The following MED13 variants were observed in gnomAD, a reference collection of about 807,000 sequenced individuals.
MED13 encodes the protein mediator complex subunit 13, also known as mediator of RNA polymerase II transcription subunit 13.
MED13 carries 23 observed loss-of-function variants against 225.2 expected under a neutral mutation model. That is an observed-to-expected ratio of 0.10 (90% CI 0.07 to 0.14). The LOEUF is 0.14. Among genes scored for constraint, MED13 ranks in the 10% least tolerant of loss-of-function variants. MED13 has a pLI of 1.00. For missense variants in MED13, 2,197 were observed against 2,594.5 expected, an observed-to-expected ratio of 0.85 and a Z score of 3.33; for synonymous variants, 942 against 889.2, an observed-to-expected ratio of 1.06 and a Z score of -1.06.
chr17:61,986,264 T>C (rs2080246886), intron 12 of MED13, among the ~76,000 whole-genome samples: 1 of 152,026 alleles, frequency 6.6e-6, no homozygotes, highest in African/African-American at 2.4e-5. Flanking sequence ...CACACACACA[T>C]ATACACACAT....
chr17:61,963,227 A>G (rs868111806), intron 20 of MED13, among the ~76,000 whole-genome samples: 24 of 141,138 alleles, frequency 1.7e-4, no homozygotes, highest in South Asian at 9.1e-4. Context: ...AAAAAAAAAA[A>G]AAAGAAAGAA....
chr17:61,961,530 A>G, intron 22 of MED13, 58 bp downstream of exon 22: 1 of 1,299,372 alleles, frequency 7.7e-7, no homozygotes, highest in East Asian at 2.5e-5. Context: ...AAAAAAAAAA[A>G]AAAAAAAAAA....
chr17:62,040,581 C>T (rs2080844623), intron 3 of MED13, among the ~76,000 whole-genome samples: 1 of 152,122 alleles, frequency 6.6e-6, no homozygotes, highest in Non-Finnish European at 1.5e-5. Flanking sequence ...TAAGCAGCTA[C>T]AGAAAAATGA....
In MED13 at chr17:62,010,593, G is replaced by A; in HGVS notation, c.1924C>T (p.Pro642Ser). The change falls in exon 9 of 30, where the codon CCA becomes TCA. Residue 642 changes from proline (P) to serine (S), a missense_variant. This residue lies in a region of MED13 where 884 missense variants were observed against 918.5 expected (regional missense o/e 0.96). Transcript: ENST00000397786. ...CTTTCCTGTCCAAAAGGTCCAACTG[G>A]ATCATCCTTGAATTTATCACTTGGA... is the stretch of plus-strand genomic sequence containing the variant. ...QLPSDKFKDD[P>S]VGPFGQESVT... 1 of 1,479,484 alleles carries A rather than the reference G, an allele frequency of 6.8e-7. No individual in the cohort carries two copies. Among genetic ancestry groups the A allele is most frequent in the Non-Finnish European group, 9.0e-7 (1 of 1,113,292 alleles). The allele number at this position is 1,479,484 out of a possible 1,614,324, so 91.6% of individuals were successfully genotyped here.
intron 28 of MED13, among the ~76,000 whole-genome samples, chr17:61,948,106 A>G (rs1428198796): frequency 6.6e-6 from 1 of 152,192 alleles, no homozygotes; most frequent in Admixed American, 6.5e-5. Flanking sequence ...CCAGTACTCT[A>G]TTCCTATGAT....
intron 7 of MED13, 68 bp downstream of exon 7, chr17:62,029,783 T>C (rs2080737290): frequency 2.6e-6 from 4 of 1,526,118 alleles, no homozygotes. Flanking sequence ...TGTTTATACT[T>C]TAGATATCTT....
intron 2 of MED13, among the ~76,000 whole-genome samples, chr17:62,058,114 G>C (rs1300441344): frequency 6.6e-6 from 1 of 152,106 alleles, no homozygotes; most frequent in African/African-American, 2.4e-5. Flanking sequence ...ACCCACCACA[G>C]AGATTCTTGA....
chr17:61,966,323 T>C (rs920462686), intron 19 of MED13, 139 bp downstream of exon 19: 36 of 691,270 alleles, frequency 5.2e-5, no homozygotes, highest in Non-Finnish European at 7.6e-5. Flanking sequence ...AGCTCCAATG[T>C]TGTAGCACAA....
chr17:62,035,617 G>A lies in MED13; in HGVS notation c.471-9C>T. The stretch of plus-strand genomic sequence containing the variant: ...AGCAGGACAAGTGTTCACTAAAAAA[G>A]AAGAAAAAGTTTTATCTTAGTGATG... On this transcript the variant is annotated splice_polypyrimidine_tract_variant and intron_variant, in intron 3 of 29. Transcript: ENST00000397786. The A allele has an allele frequency of 2.5e-6, 4 of 1,597,498 alleles. No individual in the cohort carries two copies. The South Asian group carries it at 3.4e-5, about 14-fold the overall frequency.
Position 61,982,720 on chromosome 17 carries a change from T to C in MED13, c.3283A>G (p.Ile1095Val). 6.2e-7 allele frequency: 1 copy of C among 1,614,188 alleles called. No homozygotes were observed. The highest frequency in any genetic ancestry group is 2.2e-5 in the East Asian group (1 of 44,888). ...FKDCNFDSCC[I>V]CVCNMNIKGA... ...TTGATGTTCATGTTGCAAACACAGA[T>C]GCAACAACTATCAAAGTTACAGTCT... is the stretch of plus-strand genomic sequence containing the variant. The change falls in exon 16 of 30, where the codon ATC (isoleucine) becomes GTC (valine). Residue 1095 changes from isoleucine (I) to valine (V), a missense_variant. By Grantham distance (29) the Ile-to-Val change is conservative (BLOSUM62 3). Coordinates refer to ENST00000397786, the MANE Select transcript of MED13 (RefSeq NM_005121.3).
chr17:62,018,855 G>A (rs905800250), intron 8 of MED13, among the ~76,000 whole-genome samples: 2 of 152,190 alleles, frequency 1.3e-5, no homozygotes, highest in African/African-American at 4.8e-5. Flanking sequence ...GATATTTAGA[G>A]ATGAGTATAT....
chr17:61,990,386 T>C (rs2080285456), intron 11 of MED13, among the ~76,000 whole-genome samples: 1 of 152,052 alleles, frequency 6.6e-6, no homozygotes, highest in Admixed American at 6.6e-5. Context: ...TTGACAGTAC[T>C]TTCAAGCTTA....
intron 28 of MED13, among the ~76,000 whole-genome samples, chr17:61,948,102 C>T (rs2079865685): frequency 6.6e-6 from 1 of 152,004 alleles, no homozygotes; most frequent in Admixed American, 6.6e-5. Flanking sequence ...AGTACCAGTA[C>T]TCTATTCCTA....
intron 11 of MED13, among the ~76,000 whole-genome samples, chr17:61,989,861 C>A (rs369975180): frequency 6.6e-6 from 1 of 152,300 alleles, no homozygotes; most frequent in Admixed American, 6.5e-5. Context: ...CCTTTTGTGA[C>A]CCTATACACA....
chr17:61,982,301 A>G lies in MED13; in HGVS notation c.3702T>C (p.Leu1234=). The G allele has an allele frequency of 6.2e-7, 1 of 1,614,230 alleles. No individual in the cohort carries two copies. The highest frequency in any genetic ancestry group is 1.3e-5 in the African/African-American group (1 of 75,060). Residue 1234 remains leucine (L), a synonymous_variant, in exon 16 of 30, where the codon CTT becomes CTC. Coordinates refer to ENST00000397786, the MANE Select transcript of MED13 (RefSeq NM_005121.3). Reference sequence around the variant, plus strand: ...TGAACTGACGCCCATGTTCTAATGCAAGGTAGCAGTCATTGCAACAGTCAC... The same window carrying G: ...TGAACTGACGCCCATGTTCTAATGCGAGGTAGCAGTCATTGCAACAGTCAC... The part of the protein sequence containing the change: ...EERDCCNDCY[L]ALEHGRQFMD...
chr17:62,011,338 A>G (rs2080507180), intron 8 of MED13, 105 bp from the exon 9 acceptor site: 6 of 943,914 alleles, frequency 6.4e-6, no homozygotes, highest in Admixed American at 3.4e-5. Context: ...TCTTTTTCAC[A>G]TGTAATACTA....
intron 2 of MED13, among the ~76,000 whole-genome samples, chr17:62,053,546 C>A (rs1343467286): frequency 6.6e-6 from 1 of 152,154 alleles, no homozygotes; most frequent in African/African-American, 2.4e-5. Flanking sequence ...TGTCACAAAG[C>A]ATCCAACAAA....
intron 20 of MED13, among the ~76,000 whole-genome samples, 167 bp downstream of exon 20, chr17:61,964,839 G>A (rs201835870): frequency 4.6e-5 from 7 of 152,174 alleles, no homozygotes; most frequent in Non-Finnish European, 1.0e-4. Context: ...GGGAGGCTGA[G>A]GGAGGAGAAT....
At chr17:61,978,344 T>C (rs946767585) in intron 16 of MED13, among the ~76,000 whole-genome samples, 1 of 152,084 alleles carries the variant, frequency 6.6e-6, no homozygotes, top group Non-Finnish European at 1.5e-5. Context: ...ATCCACCTCA[T>C]GGGGTCAAGC....
Sources: allele counts gnomAD v4.1 joint callset (sites outside exome capture counted in the v4.1 genomes callset), GRCh38; gene constraint gnomAD v4.1.1; regional missense constraint gnomAD v4.1.1; transcripts MANE v1.5; gene names NCBI Gene and HGNC (gene_info 2026-07-23, HGNC 2026-07-21).